The following TDRKH variants were observed in gnomAD, a reference collection of about 807,000 sequenced individuals.
The protein encoded by TDRKH is tudor and KH domain containing, also known as tudor and KH domain-containing protein.
Under a neutral mutation model 61.3 loss-of-function variants are expected in TDRKH, and 28 were observed. The observed-to-expected ratio is 0.46, with a 90% confidence interval of 0.34 to 0.63. The LOEUF (loss-of-function observed/expected upper bound fraction) is 0.63, where lower values mean the gene tolerates loss of function less well. Ranked by LOEUF, TDRKH falls within the 20% of genes least tolerant of loss-of-function variation. TDRKH has a pLI of 0.01. For synonymous variants in TDRKH, 219 were observed against 244.4 expected (o/e 0.90, Z 0.97); for missense variants, 540 against 683.4 (o/e 0.79, Z 2.34).
chr1:151,768,207 G>C (rs761065430), downstream of TDRKH: 9 of 1,613,304 alleles, frequency 5.6e-6, no homozygotes, highest in Non-Finnish European at 5.1e-6. Flanking sequence ...TCCCATATCA[G>C]GCCTTGGATC....
chr1:151,781,178 G>A (rs1321138390), intron 3 of TDRKH, among the ~76,000 whole-genome samples: 34 of 151,020 alleles, frequency 2.3e-4, no homozygotes, highest in Non-Finnish European at 4.0e-4. Context: ...TTCGCTGGGC[G>A]TGGTGGCGGG....
At chr1:151,781,644 C>T in intron 2 of TDRKH, 57 bp from the exon 3 acceptor site, 1 of 1,471,108 alleles carries the variant, frequency 6.8e-7, no homozygotes. Flanking sequence ...GCTAGTATAA[C>T]TACCAGTCCT....
At chr1:151,778,492 A>G (rs1649425421) in intron 6 of TDRKH, 193 bp downstream of exon 6, 2 of 1,540,788 alleles carry the variant, frequency 1.3e-6, no homozygotes, top group Non-Finnish European at 1.8e-6. Context: ...CTGCACCCTC[A>G]AACTGTCCAG....
At chr1:151,782,531 C>A (rs768540829) in intron 2 of TDRKH, among the ~76,000 whole-genome samples, 4 of 151,994 alleles carry the variant, frequency 2.6e-5, no homozygotes, top group Non-Finnish European at 5.9e-5. Context: ...CATGGAGGCA[C>A]ATGCCTGTAA....
chr1:151,779,271 C>G lies in TDRKH; in HGVS notation c.422-29G>C. ...CATTAAACAATATATAAAAACCTGCCCTTCCCTCCTGGCCAACCTTAGCTA... is the reference window on the plus strand; with the variant it reads ...CATTAAACAATATATAAAAACCTGCGCTTCCCTCCTGGCCAACCTTAGCTA... On this transcript the variant is annotated intron_variant, in intron 4 of 12. Coordinates refer to ENST00000368824, the MANE Select transcript of TDRKH (RefSeq NM_001083965.2). 3 of 1,609,656 alleles carry G rather than the reference C, an allele frequency of 1.9e-6. No individual in the cohort carries two copies. The South Asian group carries it at 3.3e-5, about 18-fold the overall frequency.
chr1:151,778,997 G>A lies in TDRKH; in HGVS notation c.571C>T (p.Leu191=). ...TCTTCATCTTCTGAAACTTTCTCCA[G>A]TATCAAATGCTGTGGAAAACAAGAG... The part of the protein sequence containing the change: ...KEVAAAKHLI[L]EKVSEDEELR... The change falls in exon 6 of 13, where the codon CTG becomes TTG. Residue 191 remains leucine, a synonymous_variant. Coordinates refer to ENST00000368824, the MANE Select transcript of TDRKH (RefSeq NM_001083965.2). The A allele has an allele frequency of 6.2e-7, 1 of 1,613,792 alleles. No homozygotes were observed. Among genetic ancestry groups the A allele is most frequent in the Non-Finnish European group, 8.5e-7 (1 of 1,179,836 alleles).
At chr1:151,771,796 T>A (rs1051648059), downstream of TDRKH, 29 of 395,846 alleles carry the variant, frequency 7.3e-5, no homozygotes, top group Non-Finnish European at 8.0e-5. Flanking sequence ...TAAAGGCATA[T>A]TAAAGAAAAA....
chr1:151,784,790 C>G (rs988458110), intron 1 of TDRKH, among the ~76,000 whole-genome samples: 2 of 152,158 alleles, frequency 1.3e-5, no homozygotes, highest in African/African-American at 2.4e-5. Context: ...CTGATAACTT[C>G]CAAATTAATA....
chr1:151,771,483 A>G (rs1239647691), downstream of TDRKH: 8 of 609,744 alleles, frequency 1.3e-5, no homozygotes, highest in African/African-American at 1.9e-5. Context: ...GCCTTCCTCC[A>G]TGCCCCAAAC....
downstream of TDRKH, chr1:151,767,377 T>C (rs1571968357): frequency 3.2e-6 from 5 of 1,551,898 alleles, no homozygotes; most frequent in South Asian, 1.2e-5. Flanking sequence ...CATTAGCAAG[T>C]TGGAAGATGA....
downstream of TDRKH, chr1:151,767,068 A>G (rs893675281): frequency 2.6e-6 from 4 of 1,523,920 alleles, no homozygotes; most frequent in Non-Finnish European, 2.7e-6. Flanking sequence ...AGGCTGGACA[A>G]CAGAAAATAC....
At chr1:151,775,362 T>C (rs910283384) in intron 10 of TDRKH, 30 bp downstream of exon 10, 17 of 1,596,582 alleles carry the variant, frequency 1.1e-5, no homozygotes, top group Non-Finnish European at 1.4e-5. Context: ...ACTGAAGATA[T>C]GGCAAGCAGT....
At chr1:151,771,986 T>C (rs1018730002), downstream of TDRKH, 1 of 398,644 alleles carries the variant, frequency 2.5e-6, no homozygotes, top group Non-Finnish European at 4.4e-6. Context: ...GCAGGCAACA[T>C]CTGAAACATC....
chr1:151,771,067 C>A, downstream of TDRKH: 1 of 1,573,428 alleles, frequency 6.4e-7, no homozygotes, highest in South Asian at 1.2e-5. Flanking sequence ...TTTGTTCTAT[C>A]CTTTCACAGG....
chr1:151,775,244 G>A, intron 10 of TDRKH, 78 bp from the exon 11 acceptor site: 2 of 1,566,202 alleles, frequency 1.3e-6, no homozygotes, highest in Non-Finnish European at 1.8e-6. Context: ...CAGAAGGACT[G>A]ATACTTTAAA....
chr1:151,786,216 G>C (rs1650303009), intron 1 of TDRKH, among the ~76,000 whole-genome samples: 2 of 152,218 alleles, frequency 1.3e-5, no homozygotes, highest in South Asian at 4.1e-4. Context: ...GATATAGTCA[G>C]GTAAGGGAGG....
At chr1:151,784,639 T>C (rs1330687818) in intron 1 of TDRKH, among the ~76,000 whole-genome samples, 1 of 152,196 alleles carries the variant, frequency 6.6e-6, no homozygotes, top group Non-Finnish European at 1.5e-5. Flanking sequence ...GTCTCCCAGT[T>C]GCTGGTTTCT....
intron 1 of TDRKH, among the ~76,000 whole-genome samples, chr1:151,784,528 C>T (rs751628755): frequency 3.3e-5 from 5 of 151,984 alleles, no homozygotes; most frequent in Non-Finnish European, 7.4e-5. Flanking sequence ...ACCAGATGTC[C>T]CCACAGTATT....
At chr1:151,785,650 C>T (rs534506762) in intron 1 of TDRKH, among the ~76,000 whole-genome samples, 1 of 152,302 alleles carries the variant, frequency 6.6e-6, no homozygotes, top group Admixed American at 6.5e-5. Context: ...TATCTAATCT[C>T]TAACCCAGAG....
Sources: allele counts gnomAD v4.1 joint callset (sites outside exome capture counted in the v4.1 genomes callset), GRCh38; gene constraint gnomAD v4.1.1; transcripts MANE v1.5; gene names NCBI Gene and HGNC (gene_info 2026-07-23, HGNC 2026-07-21).